The following SF3B3 variants were observed in gnomAD, a reference collection of about 807,000 sequenced individuals.
SF3B3 encodes the protein splicing factor 3b subunit 3.
A neutral mutation model predicts 139.2 loss-of-function variants in SF3B3; 33 were observed. That is an observed-to-expected ratio of 0.24 (90% CI 0.18 to 0.32). The LOEUF (loss-of-function observed/expected upper bound fraction) is 0.32. SF3B3 is among the 10% of genes least tolerant of loss of function. The pLI, the probability that SF3B3 is intolerant of heterozygous loss-of-function variation, is 1.00. For synonymous variants in SF3B3, 596 were observed against 563.6 expected (o/e 1.06, Z -0.81); for missense variants, 818 against 1,509.4 (o/e 0.54, Z 7.59).
At chr16:70,527,627 T>C (rs2050076830) in intron 2 of SF3B3, among the ~76,000 whole-genome samples, 1 of 152,224 alleles carries the variant, frequency 6.6e-6, no homozygotes, top group South Asian at 2.1e-4. Context: ...CTGCATTTGA[T>C]TAAGGAAATA....
In SF3B3 at chr16:70,538,458, A is replaced by G; in HGVS notation, c.961A>G (p.Met321Val). The G allele has an allele frequency of 2.5e-6, 4 of 1,613,278 alleles. No individual in the cohort carries two copies. The highest frequency in any genetic ancestry group is 3.4e-6 in the Non-Finnish European group (4 of 1,179,284). The change falls in exon 7 of 26, where the codon ATG becomes GTG. Residue 321 changes from methionine to valine, a missense_variant and splice_region_variant. Transcript: ENST00000302516. ...GATCACTTTGGAGACAGATGAAGAT[A>G]TGGTAAGTAGACCATGGATGGACCA... is the stretch of plus-strand genomic sequence containing the variant. ...FKITLETDEDMVTEIRLKYFD... is the reference protein window; with the variant it reads ...FKITLETDEDVVTEIRLKYFD...
intron 4 of SF3B3, 75 bp from the exon 5 acceptor site, chr16:70,532,404 A>T: frequency 8.0e-7 from 1 of 1,256,540 alleles, no homozygotes; most frequent in Non-Finnish European, 1.1e-6. Flanking sequence ...TCATTTGTAA[A>T]TTGGAGTCCT....
intron 11 of SF3B3, among the ~76,000 whole-genome samples, chr16:70,550,966 A>T (rs1325759687): frequency 6.6e-6 from 1 of 152,210 alleles, no homozygotes; most frequent in Non-Finnish European, 1.5e-5. Context: ...ATACTCTCAT[A>T]GAGTTGTACA....
chr16:70,539,614 T>C (rs2050200208), intron 8 of SF3B3, among the ~76,000 whole-genome samples: 1 of 152,142 alleles, frequency 6.6e-6, no homozygotes, highest in African/African-American at 2.4e-5. Context: ...CACAAGAATG[T>C]GTTAGTTCTT....
intron 13 of SF3B3, 23 bp from the exon 14 acceptor site, chr16:70,556,156 T>C (rs1032612140): frequency 1.2e-6 from 2 of 1,613,822 alleles, no homozygotes; most frequent in African/African-American, 1.3e-5. Context: ...AGTTTTGACC[T>C]TGCTGTGTCT....
intron 11 of SF3B3, chr16:70,550,287 G>C (rs1489977316): frequency 1.3e-5 from 2 of 152,294 alleles, no homozygotes; most frequent in African/African-American, 4.8e-5. Flanking sequence ...GGTTAAAGGA[G>C]AGGGCATGTG....
At chr16:70,561,496 A>G in intron 16 of SF3B3, 134 bp from the exon 17 acceptor site, 1 of 744,816 alleles carries the variant, frequency 1.3e-6, no homozygotes, top group South Asian at 1.8e-5. Context: ...TTCTTAAGAT[A>G]GCCTGTTATA....
At chr16:70,571,413 G>C (rs1358703331) in intron 25 of SF3B3, among the ~76,000 whole-genome samples, 5 of 152,190 alleles carry the variant, frequency 3.3e-5, no homozygotes, top group Admixed American at 6.5e-5. Context: ...CAAGTATCGA[G>C]TGGAGAATAA....
rs1248446581 is a variant in SF3B3 at position 70,526,745 on chromosome 16, A to G, written c.70+19A>G. 6 of 1,571,836 alleles carry G rather than the reference A, an allele frequency of 3.8e-6. No homozygotes were observed. The highest frequency in any genetic ancestry group is 2.2e-5 in the South Asian group (2 of 89,994). On this transcript the variant is annotated intron_variant, in intron 2 of 25. Coordinates refer to ENST00000302516, the MANE Select transcript of SF3B3 (RefSeq NM_012426.5). ...TTTTCTGGTAAGTTCTCTCGTTACC[A>G]TCTTTTGAAATTTTAAGTGAATTAA... is the stretch of plus-strand genomic sequence containing the variant.
At chr16:70,540,207 C>G (rs1174099814) in intron 8 of SF3B3, among the ~76,000 whole-genome samples, 1 of 150,598 alleles carries the variant, frequency 6.6e-6, no homozygotes, top group African/African-American at 2.4e-5. Flanking sequence ...CCAGCCTGAC[C>G]AACATGGAGA....
At chr16:70,566,204 GA>G (rs1217407728) in intron 20 of SF3B3, among the ~76,000 whole-genome samples, 4 of 151,944 alleles carry the variant, frequency 2.6e-5, no homozygotes, top group African/African-American at 4.8e-5. Context: ...TTGGGAAGAT[GA>G]AAAAAATTCT....
chr16:70,566,698 T>C (rs1234366767), intron 20 of SF3B3, among the ~76,000 whole-genome samples: 11 of 152,194 alleles, frequency 7.2e-5, no homozygotes, highest in Admixed American at 7.2e-4. Flanking sequence ...GGGAGTATCC[T>C]CTAAGAAATA....
rs2050536005 is a variant in SF3B3, at chr16:70,572,201, G to T, written c.*388G>T. 2 of 453,442 alleles carry T rather than the reference G, an allele frequency of 4.4e-6. No homozygotes were observed. Among genetic ancestry groups the T allele is most frequent in the Non-Finnish European group, 4.4e-6 (1 of 225,878 alleles). 28.1% of individuals were successfully genotyped at this position (453,442 alleles called of 1,614,324 possible). A position where few individuals can be genotyped will look rare whatever the true frequency, so the allele number is the denominator to read the frequency against. ...ACAATGTTATCTCTGTGGGAGGAAGGAGGCAGGCTGTGGTGGGACTGGGTA... is the reference window on the plus strand; with the variant it reads ...ACAATGTTATCTCTGTGGGAGGAAGTAGGCAGGCTGTGGTGGGACTGGGTA... On this transcript the variant is annotated 3_prime_UTR_variant, in exon 26 of 26. Coordinates refer to ENST00000302516, the MANE Select transcript of SF3B3 (RefSeq NM_012426.5).
chr16:70,567,051 C>CAA (rs112267243), intron 20 of SF3B3, among the ~76,000 whole-genome samples: 6 of 119,500 alleles, frequency 5.0e-5, no homozygotes, highest in East Asian at 2.5e-4. Context: ...GACCCTGTCT[C>CAA]AAAAAAAAAA....
chr16:70,539,473 G>A (rs2050198625), intron 8 of SF3B3, among the ~76,000 whole-genome samples: 1 of 152,088 alleles, frequency 6.6e-6, no homozygotes, highest in Non-Finnish European at 1.5e-5. Context: ...ACTTGAATCT[G>A]GAAGGTGGAG....
Position 70,577,643 on chromosome 16 carries a change from C to T in SF3B3, c.*5830C>T, listed in dbSNP as rs1292525589. 3 of 152,130 alleles carry T rather than the reference C, an allele frequency of 2.0e-5. No homozygotes were observed. Among genetic ancestry groups the T allele is most frequent in the South Asian group, 2.1e-4 (1 of 4,816 alleles). The allele number at this position is 152,130 out of a possible 1,614,324, so 9.4% of individuals were successfully genotyped here. On this transcript the variant is annotated 3_prime_UTR_variant, in exon 26 of 26. Transcript: ENST00000302516. ...ACTACTTGTGGCATGCATTGGCACT[C>T]GGAATAAAGCGCACTATTGTCACTA...
At chr16:70,548,155 A>T (rs1567417052) in intron 10 of SF3B3, among the ~76,000 whole-genome samples, 2 of 152,218 alleles carry the variant, frequency 1.3e-5, no homozygotes, top group Admixed American at 6.5e-5. Flanking sequence ...ACCCTCTCAG[A>T]CATCCTGTAA....
intron 15 of SF3B3, among the ~76,000 whole-genome samples, chr16:70,558,096 G>C: frequency 6.6e-6 from 1 of 152,034 alleles, no homozygotes; most frequent in Non-Finnish European, 1.5e-5. Flanking sequence ...TTGTCTTGTA[G>C]AATTTCCCAC....
chr16:70,545,165 A>G (rs1306106179), intron 10 of SF3B3, among the ~76,000 whole-genome samples: 4 of 152,166 alleles, frequency 2.6e-5, no homozygotes, highest in Non-Finnish European at 5.9e-5. Context: ...TCCTGGGATC[A>G]GGTGATCCTC....
Sources: gnomAD v4.1 joint callset for allele counts (sites outside exome capture counted in the v4.1 genomes callset) on GRCh38, gnomAD v4.1.1 for gene constraint, MANE v1.5 for transcripts, NCBI Gene and HGNC (gene_info 2026-07-23, HGNC 2026-07-21) for gene names.